The following ABCB4 variants were observed in gnomAD, a reference collection of about 807,000 sequenced individuals.
ABCB4 encodes ATP binding cassette subfamily B member 4.
Under a neutral mutation model 145.7 loss-of-function variants are expected in ABCB4, and 76 were observed. That is an observed-to-expected ratio of 0.52 (90% confidence interval 0.43 to 0.63). The LOEUF (loss-of-function observed/expected upper bound fraction) is 0.63. Ranked by LOEUF, ABCB4 falls within the 30% of genes least tolerant of loss-of-function variation. The probability of loss-of-function intolerance (pLI) is 0.00; values close to 1 mark genes in which losing one functional copy is unlikely to be tolerated. For missense variants in ABCB4, 1,234 were observed against 1,553.1 expected, an observed-to-expected ratio of 0.79 and a Z score of 3.45; for synonymous variants, 517 against 566.8, an observed-to-expected ratio of 0.91 and a Z score of 1.25.
intron 4 of ABCB4, among the ~76,000 whole-genome samples, chr7:87,457,425 C>T (rs915937596): frequency 6.6e-6 from 1 of 152,126 alleles, no homozygotes; most frequent in African/African-American, 2.4e-5. Context: ...AGAAAAAGTA[C>T]CCTGGTTGAT....
At chr7:87,422,089 CTT>C (rs753302519) in intron 18 of ABCB4, 30 bp downstream of exon 18, 2 of 1,442,274 alleles carry the variant, frequency 1.4e-6, no homozygotes, top group African/African-American at 2.8e-5. Context: ...AAATTATAAA[CTT>C]GATGAGAAAG....
intron 5 of ABCB4, among the ~76,000 whole-genome samples, chr7:87,453,614 A>G (rs896618174): frequency 1.3e-5 from 2 of 152,200 alleles, no homozygotes; most frequent in African/African-American, 4.8e-5. Flanking sequence ...TTTAAATTAT[A>G]AAGTGATGAG....
intron 23 of ABCB4, among the ~76,000 whole-genome samples, chr7:87,411,379 A>G (rs1808614073): frequency 6.6e-6 from 1 of 152,170 alleles, no homozygotes; most frequent in Admixed American, 6.5e-5. Context: ...AAAGACCAGT[A>G]GTTTGCCTTG....
rs182980110 is a variant in ABCB4 at position 87,405,309 on chromosome 7, G to A, written c.3486+979C>T. The stretch of plus-strand genomic sequence containing the variant: ...TTTTAAAATATAAAATTATACAAAC[G>A]GAGAACAGATTCATGTTTGCCAGAG... On this transcript the variant is annotated intron_variant, in intron 26 of 27. Coordinates refer to ENST00000649586, the MANE Select transcript of ABCB4 (RefSeq NM_000443.4). Among the ~76,000 whole-genome samples, 4 of 152,138 alleles carry A rather than the reference G, an allele frequency of 2.6e-5. No homozygotes were observed. The East Asian group carries it at 5.8e-4, about 22-fold the overall frequency.
intron 2 of ABCB4, among the ~76,000 whole-genome samples, chr7:87,473,882 C>T (rs1225654396): frequency 6.6e-6 from 1 of 152,140 alleles, no homozygotes; most frequent in East Asian, 1.9e-4. Flanking sequence ...ACATCTGCCA[C>T]TAAATATGTT....
intron 21 of ABCB4, among the ~76,000 whole-genome samples, chr7:87,414,267 A>G (rs7807638): frequency 0.13 from 20,216 of 152,216 alleles, 1,908 homozygotes; most frequent in African/African-American, 0.27. Flanking sequence ...ATCTGGGTCA[A>G]TCAGATTTGG....
At chr7:87,445,125 CTA>C in intron 9 of ABCB4, 150 bp from the exon 10 acceptor site, 1 of 636,226 alleles carries the variant, frequency 1.6e-6, no homozygotes. Flanking sequence ...ATTTGCAAGG[CTA>C]ATATAGCATT....
the ABCB4 span, chr7:87,393,037 A>G: frequency 1.2e-6 from 2 of 1,613,476 alleles, no homozygotes; most frequent in East Asian, 2.2e-5. Context: ...CACAATGGTT[A>G]TGGATTTTTC....
At chr7:87,377,881 T>C in the ABCB4 span, among the ~76,000 whole-genome samples, 1 of 152,202 alleles carries the variant, frequency 6.6e-6, no homozygotes, top group Admixed American at 6.5e-5. Flanking sequence ...GAACACTATT[T>C]AGGCTGTGGA....
intron 4 of ABCB4, among the ~76,000 whole-genome samples, chr7:87,454,849 C>T (rs891245143): frequency 1.1e-4 from 17 of 152,192 alleles, no homozygotes; most frequent in Non-Finnish European, 1.9e-4. Context: ...GTCTTTCCCC[C>T]ATCCTGGCGG....
chr7:87,399,988 A>C (rs1807711114), downstream of ABCB4, among the ~76,000 whole-genome samples: 1 of 152,058 alleles, frequency 6.6e-6, no homozygotes, highest in Admixed American at 6.6e-5. Flanking sequence ...CTGAGGCTGG[A>C]AAGTTTAAGA....
intron 20 of ABCB4, 143 bp from the exon 21 acceptor site, chr7:87,417,658 C>A: frequency 1.4e-6 from 1 of 724,070 alleles, no homozygotes; most frequent in East Asian, 2.7e-5. Context: ...CCCACAACAC[C>A]TGTGCTTAAC....
At chr7:87,368,105 CCTTG>C in the ABCB4 span, among the ~76,000 whole-genome samples, 1 of 152,174 alleles carries the variant, frequency 6.6e-6, no homozygotes, top group Non-Finnish European at 1.5e-5. Flanking sequence ...GCTGCACTGA[CCTTG>C]TTTTCCTTTA....
In ABCB4 at chr7:87,452,942, ACTCT is replaced by A. The variant is rs1168963654; in HGVS notation, c.534_536+1del. The A allele has an allele frequency of 3.1e-6, 5 of 1,613,292 alleles. No homozygotes were observed. Among genetic ancestry groups the A allele is most frequent in the South Asian group, 2.2e-5 (2 of 91,050 alleles). On this transcript the variant is annotated splice_donor_variant and coding_sequence_variant, in exon 6 of 28. Transcript: ENST00000649586. LOFTEE classifies it high-confidence loss of function. ...AAAGTGTGACATTAACAATGTACCT[ACTCT>A]GTTAGCCGCGTATTGAGTTCAGTGG...
chr7:87,450,014 T>G lies in ABCB4; in HGVS notation c.787A>C (p.Ile263Leu). The change falls in exon 8 of 28, where the codon ATC becomes CTC. Residue 263 changes from isoleucine to leucine, a missense_variant. Physicochemically the swap from Ile to Leu is conservative, Grantham distance 5. Around this residue, in one of 7 missense-constraint regions of ABCB4, gnomAD observed 467 missense variants for 632.8 expected, o/e 0.74. Transcript: ENST00000649586. Reference protein sequence around the residue: ...GAVAEEALGAIRTVIAFGGQN... With the variant: ...GAVAEEALGALRTVIAFGGQN... ...CCCCCGAAAGCTATCACAGTCCTGA[T>G]GGCCCCCAGAGCCTCTTCTGCCACG... 3.1e-6 allele frequency: 5 copies of G among 1,614,168 alleles called. No homozygotes were observed. Among genetic ancestry groups the G allele is most frequent in the Non-Finnish European group, 4.2e-6 (5 of 1,180,020 alleles).
At chr7:87,465,026 G>A (rs1168579134) in intron 3 of ABCB4, among the ~76,000 whole-genome samples, 3 of 152,220 alleles carry the variant, frequency 2.0e-5, no homozygotes, top group South Asian at 2.1e-4. Context: ...CGGACAGTGG[G>A]TGCAGGACAG....
At chr7:87,470,299 A>G (rs1813270299) in intron 3 of ABCB4, among the ~76,000 whole-genome samples, 1 of 152,382 alleles carries the variant, frequency 6.6e-6, no homozygotes, top group African/African-American at 2.4e-5. Flanking sequence ...CATTCAGGAC[A>G]TAGGCATGGT....
At chr7:87,452,759 G>T in intron 6 of ABCB4, 185 bp downstream of exon 6, 1 of 687,890 alleles carries the variant, frequency 1.5e-6, no homozygotes. Context: ...TATGCACCTT[G>T]GGGGAAAGCC....
intron 21 of ABCB4, among the ~76,000 whole-genome samples, chr7:87,415,020 C>G (rs1284355745): frequency 6.6e-6 from 1 of 152,176 alleles, no homozygotes; most frequent in African/African-American, 2.4e-5. Context: ...GTCCATGTTC[C>G]TAAGCCATAA....
Sources: gnomAD v4.1 joint callset for allele counts (sites outside exome capture counted in the v4.1 genomes callset) on GRCh38, gnomAD v4.1.1 for gene constraint, gnomAD v4.1.1 regional missense constraint, MANE v1.5 for transcripts, NCBI Gene and HGNC (gene_info 2026-07-23, HGNC 2026-07-21) for gene names.